ARFGEF1: variants seen among roughly 807,000 people sequenced by gnomAD.
ARFGEF1 encodes the protein ARF guanine nucleotide exchange factor 1, also known as brefeldin A-inhibited guanine nucleotide-exchange protein 1.
A neutral mutation model predicts 231.0 loss-of-function variants in ARFGEF1; 42 were observed. The observed-to-expected ratio is 0.18, with a 90% CI of 0.14 to 0.24. The LOEUF (loss-of-function observed/expected upper bound fraction) is 0.24, where lower values mean the gene tolerates loss of function less well. Ranked by LOEUF, ARFGEF1 falls within the 10% of genes least tolerant of loss-of-function variation. The pLI, the probability that ARFGEF1 is intolerant of heterozygous loss-of-function variation, is 1.00. For missense variants in ARFGEF1, 1,345 were observed against 2,192.0 expected (o/e 0.61, Z 7.72); for synonymous variants, 710 against 732.3 (o/e 0.97, Z 0.49).
At chr8:67,326,120 A>C (rs1186625118) in intron 1 of ARFGEF1, among the ~76,000 whole-genome samples, 1 of 152,118 alleles carries the variant, frequency 6.6e-6, no homozygotes, top group Non-Finnish European at 1.5e-5. Context: ...AATCACTTGA[A>C]CCTGGAGATG....
intron 30 of ARFGEF1, 122 bp downstream of exon 30, chr8:67,219,309 T>C: frequency 8.1e-7 from 1 of 1,242,074 alleles, no homozygotes. Flanking sequence ...TTCTCATGCC[T>C]TAAAGAAAAA....
chr8:67,212,761 G>A (rs1838795718), intron 33 of ARFGEF1, among the ~76,000 whole-genome samples: 1 of 152,186 alleles, frequency 6.6e-6, no homozygotes, highest in Non-Finnish European at 1.5e-5. Flanking sequence ...GGACTTAAGT[G>A]TATTTTAAGG....
At chr8:67,193,820 G>A (rs1433833339), downstream of ARFGEF1, among the ~76,000 whole-genome samples, 1 of 152,182 alleles carries the variant, frequency 6.6e-6, no homozygotes, top group East Asian at 1.9e-4. Flanking sequence ...TTTTAGAGTG[G>A]AGTCTAAACA....
rs180928492 is a variant in ARFGEF1 at position 67,343,207 on chromosome 8, C to T, written c.81G>A (p.Lys27=). The change falls in exon 1 of 39, where the codon AAG becomes AAA. Residue 27 remains lysine (K), a synonymous_variant. Coordinates refer to ENST00000262215, the MANE Select transcript of ARFGEF1 (RefSeq NM_006421.5). ...CTTTGCGCAGCTGGGAGTGATGCGC[C>T]TTCTTCACTTCCTTGTCGGCCAATA... The part of the protein sequence containing the change: ...EKILADKEVK[K]AHHSQLRKAC... The T allele has an allele frequency of 3.6e-5, 58 of 1,613,602 alleles. No individual in the cohort carries two copies. In the African/African-American group the frequency reaches 7.1e-4, roughly 20 times the overall value.
chr8:67,270,398 A>G (rs1805028162), intron 10 of ARFGEF1, among the ~76,000 whole-genome samples: 2 of 152,226 alleles, frequency 1.3e-5, no homozygotes, highest in South Asian at 4.1e-4. Context: ...AAAGGATAAT[A>G]TGACTATTTT....
At position 67,343,264 on chromosome 8, in the gene ARFGEF1, C is replaced by T. The variant is rs1808740645; in HGVS notation, c.24G>A (p.Lys8=). MYEGKKT[K]NMFLTRALEK... ...CCAGAGCCCGGGTCAGGAACATGTTCTTCGTCTTCTTCCCCTCATACATGG... is the reference window on the plus strand; with the variant it reads ...CCAGAGCCCGGGTCAGGAACATGTTTTTCGTCTTCTTCCCCTCATACATGG... Residue 8 remains lysine (K), a synonymous_variant, in exon 1 of 39, where the codon AAG becomes AAA. Coordinates refer to ENST00000262215, the MANE Select transcript of ARFGEF1 (RefSeq NM_006421.5). 1.9e-6 allele frequency: 3 copies of T among 1,613,864 alleles called. No individual in the cohort carries two copies. Among genetic ancestry groups the T allele is most frequent in the Non-Finnish European group, 1.7e-6 (2 of 1,179,812 alleles).
At chr8:67,194,625 A>T, downstream of ARFGEF1, among the ~76,000 whole-genome samples, 1 of 152,092 alleles carries the variant, frequency 6.6e-6, no homozygotes. Context: ...CCTTTCAAAC[A>T]GGAGCTTTTT....
chr8:67,279,103 A>T (rs1375450667), intron 7 of ARFGEF1, among the ~76,000 whole-genome samples: 1 of 152,172 alleles, frequency 6.6e-6, no homozygotes, highest in East Asian at 1.9e-4. Flanking sequence ...ATTGCTACAA[A>T]AAATTTTTTT....
chr8:67,195,548 A>G (rs1376704649), downstream of ARFGEF1: 16 of 1,614,016 alleles, frequency 9.9e-6, no homozygotes, highest in Non-Finnish European at 1.4e-5. Context: ...TTCCTGGAAA[A>G]CCAGGCACTT....
rs760137402 is a variant in ARFGEF1 at position 67,227,154 on chromosome 8, G to A, written c.3899C>T (p.Thr1300Ile). ...ATACTCACTGACAATGTGCCCGGTTGTTTGGAATGCAAGTTCCACTATGCT... is the reference window on the plus strand; with the variant it reads ...ATACTCACTGACAATGTGCCCGGTTATTTGGAATGCAAGTTCCACTATGCT... ...DESIVELAFQTTGHIVTLVFE... is the reference protein window; with the variant it reads ...DESIVELAFQITGHIVTLVFE... The change falls in exon 27 of 39, where the codon ACA becomes ATA. Residue 1300 changes from threonine to isoleucine, a missense_variant. Around this residue, in one of 14 missense-constraint regions of ARFGEF1, gnomAD observed 142 missense variants for 227.3 expected, o/e 0.62. Coordinates refer to ENST00000262215, the MANE Select transcript of ARFGEF1 (RefSeq NM_006421.5). 1 of 1,611,812 alleles carries A rather than the reference G, an allele frequency of 6.2e-7. No homozygotes were observed. Among genetic ancestry groups the A allele is most frequent in the South Asian group, 1.1e-5 (1 of 90,950 alleles).
chr8:67,214,698 CTT>C (rs1175977187), intron 33 of ARFGEF1, among the ~76,000 whole-genome samples: 1 of 152,110 alleles, frequency 6.6e-6, no homozygotes, highest in Middle Eastern at 3.4e-3. Flanking sequence ...GGATCACACT[CTT>C]GTTTAATGGC....
intron 14 of ARFGEF1, among the ~76,000 whole-genome samples, chr8:67,261,883 G>A (rs1486532167): frequency 2.1e-5 from 3 of 144,618 alleles, no homozygotes; most frequent in African/African-American, 5.2e-5. Flanking sequence ...CATTGCCGAC[G>A]CTGATCTTGA....
chr8:67,259,484 T>G (rs1840571532), intron 15 of ARFGEF1, among the ~76,000 whole-genome samples: 1 of 152,170 alleles, frequency 6.6e-6, no homozygotes, highest in East Asian at 1.9e-4. Flanking sequence ...CGCTTCAGCC[T>G]CCCAAAGCGC....
At position 67,331,956 on chromosome 8, in the gene ARFGEF1, G is replaced by C. The variant is rs199705623; in HGVS notation, c.124+11208C>G. ...TTAAGAGTTTATTTTAAACAGTTCT[G>C]CATATATAACAAACACTAAACAAAC... On this transcript the variant is annotated intron_variant, in intron 1 of 38. Coordinates refer to ENST00000262215, the MANE Select transcript of ARFGEF1 (RefSeq NM_006421.5). 3.3e-5 allele frequency among the ~76,000 whole-genome samples: 5 copies of C among 152,050 alleles called. No individual in the cohort carries two copies. The East Asian group carries it at 9.6e-4, about 29-fold the overall frequency.
At chr8:67,261,698 G>C (rs1387862053) in intron 14 of ARFGEF1, among the ~76,000 whole-genome samples, 5 of 152,156 alleles carry the variant, frequency 3.3e-5, no homozygotes, top group Non-Finnish European at 7.3e-5. Flanking sequence ...CAGAAATGCA[G>C]TCTCACTATG....
chr8:67,186,242 G>A (rs549960203), intron 5 of ARFGEF1, among the ~76,000 whole-genome samples: 1 of 152,182 alleles, frequency 6.6e-6, no homozygotes, highest in East Asian at 1.9e-4. Context: ...AGGTTCCATT[G>A]CCAAGAATGT....
At chr8:67,314,525 CA>C in intron 1 of ARFGEF1, among the ~76,000 whole-genome samples, 1 of 152,198 alleles carries the variant, frequency 6.6e-6, no homozygotes, top group East Asian at 1.9e-4. Flanking sequence ...ACTTCTCCCG[CA>C]AACAGACCTT....
Position 67,211,618 on chromosome 8 carries a change from A to ACAGGAGATGGAGGTGGGGGGGC in ARFGEF1, c.4687-4_4687-3insGCCCCCCCACCTCCATCTCCTG. The ACAGGAGATGGAGGTGGGGGGGC allele has an allele frequency of 7.0e-7, 1 of 1,429,238 alleles. No homozygotes were observed. The highest frequency in any genetic ancestry group is 9.3e-7 in the Non-Finnish European group (1 of 1,070,680). The allele number at this position is 1,429,238 out of a possible 1,614,324, so 88.5% of individuals were successfully genotyped here. ...ACAGACTTCTGTGATATTGTATCCT[A>ACAGGAGATGGAGGTGGGGGGGC]ATAAATAAAAAAAAAATCACTGTAA... On this transcript the variant is annotated splice_polypyrimidine_tract_variant and splice_region_variant and intron_variant, in intron 33 of 38. Transcript: ENST00000262215.
At chr8:67,332,547 A>G (rs1808147432) in intron 1 of ARFGEF1, among the ~76,000 whole-genome samples, 1 of 152,192 alleles carries the variant, frequency 6.6e-6, no homozygotes, top group Admixed American at 6.5e-5. Context: ...TACACGACAG[A>G]TTTGGGGATC....
Sources: gnomAD v4.1 joint callset for allele counts (sites outside exome capture counted in the v4.1 genomes callset) on GRCh38, gnomAD v4.1.1 for gene constraint, gnomAD v4.1.1 regional missense constraint, MANE v1.5 for transcripts, NCBI Gene and HGNC (gene_info 2026-07-23, HGNC 2026-07-21) for gene names.